The following NAV2 variants were observed in gnomAD, a reference collection of about 807,000 sequenced individuals.
NAV2 encodes neuron navigator 2.
NAV2 carries 54 observed loss-of-function variants against 223.2 expected under a neutral mutation model. The ratio of observed to expected loss-of-function variants is 0.24; its 90% CI spans 0.19 to 0.30. The LOEUF is 0.30. Among genes scored for constraint, NAV2 ranks in the 10% least tolerant of loss-of-function variants. NAV2 has a pLI of 1.00. For missense variants in NAV2, 2,806 were observed against 3,147.5 expected, an observed-to-expected ratio of 0.89 and a Z score of 2.60; for synonymous variants, 1,279 against 1,239.3, an observed-to-expected ratio of 1.03 and a Z score of -0.67.
chr11:19,703,581 G>A (rs1003146900), intron 1 of NAV2, among the ~76,000 whole-genome samples: 3 of 152,362 alleles, frequency 2.0e-5, no homozygotes, highest in Middle Eastern at 6.8e-3. Flanking sequence ...TTACCTGGCT[G>A]TGTTTGGGCT....
rs543678343 is a variant in NAV2 at position 19,901,847 on chromosome 11, A to G, written c.931+9253A>G. Among the ~76,000 whole-genome samples the G allele has an allele frequency of 8.5e-5, 13 of 152,092 alleles. No homozygotes were observed. In the East Asian group the frequency reaches 2.3e-3, roughly 27 times the overall value. On this transcript the variant is annotated intron_variant, in intron 6 of 37. Transcript: ENST00000349880. The stretch of plus-strand genomic sequence containing the variant: ...TCTTTCTTGCATTTTTCATTTTTAC[A>G]TTTTCATTGCTGTCTTGTTTCTGCT...
chr11:19,755,737 G>A (rs1214361445), intron 1 of NAV2, among the ~76,000 whole-genome samples: 1 of 152,148 alleles, frequency 6.6e-6, no homozygotes, highest in Non-Finnish European at 1.5e-5. Flanking sequence ...ACCAGTCTTT[G>A]GCTTTGCAAC....
At chr11:19,974,280 C>A (rs547942445) in intron 10 of NAV2, among the ~76,000 whole-genome samples, 1 of 152,244 alleles carries the variant, frequency 6.6e-6, no homozygotes, top group East Asian at 1.9e-4. Context: ...GTTAAAAATG[C>A]AGACTTGGGG....
intron 1 of NAV2, among the ~76,000 whole-genome samples, chr11:19,577,430 A>G (rs558132631): frequency 6.6e-6 from 1 of 152,346 alleles, no homozygotes; most frequent in African/African-American, 2.4e-5. Context: ...AAGATCTGCC[A>G]CGAGGGCGCA....
chr11:19,908,276 AG>A (rs1477569667), intron 6 of NAV2, among the ~76,000 whole-genome samples: 1 of 152,138 alleles, frequency 6.6e-6, no homozygotes, highest in Non-Finnish European at 1.5e-5. Flanking sequence ...TTTGAGGTCC[AG>A]GGTGGGTGTG....
intron 3 of NAV2, among the ~76,000 whole-genome samples, chr11:19,853,500 C>CT (rs146185951): frequency 0.1 from 15,612 of 152,024 alleles, 891 homozygotes; most frequent in Admixed American, 0.14. Flanking sequence ...ATCATGAGAT[C>CT]TTTTTTTTGT....
chr11:19,750,615 A>C (rs2053726320), intron 1 of NAV2, among the ~76,000 whole-genome samples: 1 of 152,166 alleles, frequency 6.6e-6, no homozygotes, highest in Admixed American at 6.5e-5. Flanking sequence ...CAAAGTAGGA[A>C]GTTATAGAAT....
chr11:19,457,993 T>G (rs1404487965), intron 1 of NAV2, among the ~76,000 whole-genome samples: 1 of 152,170 alleles, frequency 6.6e-6, no homozygotes, highest in East Asian at 1.9e-4. Context: ...CCAAGCCCAG[T>G]TGCCACTCCT....
chr11:19,551,633 T>C (rs949991083), intron 1 of NAV2, among the ~76,000 whole-genome samples: 1 of 152,218 alleles, frequency 6.6e-6, no homozygotes. Flanking sequence ...GAATAGTAGC[T>C]TAAGCAGATG....
chr11:19,825,532 C>T (rs936754852), intron 1 of NAV2, among the ~76,000 whole-genome samples: 1 of 152,090 alleles, frequency 6.6e-6, no homozygotes, highest in Non-Finnish European at 1.5e-5. Context: ...TGCCATCTGC[C>T]TCTGGATCCA....
At chr11:19,852,353 A>T (rs558359623) in intron 3 of NAV2, among the ~76,000 whole-genome samples, 1 of 152,326 alleles carries the variant, frequency 6.6e-6, no homozygotes. Flanking sequence ...AGGTGCCTCT[A>T]TTGTTAGAAC....
intron 10 of NAV2, among the ~76,000 whole-genome samples, chr11:19,965,916 G>C (rs2048733887): frequency 6.6e-6 from 1 of 152,352 alleles, no homozygotes; most frequent in East Asian, 1.9e-4. Context: ...AGTTATTCCA[G>C]AGTTTGTTCA....
At chr11:19,406,175 A>G (rs760630275) in intron 1 of NAV2, among the ~76,000 whole-genome samples, 24 of 152,180 alleles carry the variant, frequency 1.6e-4, no homozygotes, top group Non-Finnish European at 3.2e-4. Context: ...CTGGCGGGAA[A>G]CTTGTGCCAC....
At chr11:19,960,589 TTTTATTTATTTATTTA>T (rs5790101) in intron 10 of NAV2, among the ~76,000 whole-genome samples, 11 of 141,630 alleles carry the variant, frequency 7.8e-5, no homozygotes, top group Non-Finnish European at 1.5e-4. Flanking sequence ...TTTTTTAAAA[TTTTATTTATTTATTTA>T]TTTATTTATT....
chr11:20,048,830 A>G lies in NAV2; in HGVS notation c.4005A>G (p.Gln1335=). The G allele has an allele frequency of 6.2e-7, 1 of 1,614,150 alleles. No individual in the cohort carries two copies. The highest frequency in any genetic ancestry group is 1.1e-5 in the South Asian group (1 of 91,072). ...ISNPHATMTQ[Q]GNLDSPSGSG... is the part of the protein sequence containing the mutation. ...ATCCTCATGCCACCATGACTCAGCA[A>G]GGTAACCTAGACTCCCCGTCAGGCA... The change falls in exon 15 of 38, where the codon CAA becomes CAG. Residue 1335 remains glutamine, a synonymous_variant. Coordinates refer to ENST00000349880, the MANE Select transcript of NAV2 (RefSeq NM_145117.5).
In NAV2 at chr11:19,713,683, GC is replaced by G; in HGVS notation, c.-9del. 6.5e-7 allele frequency: 1 copy of G among 1,546,058 alleles called. No individual in the cohort carries two copies. The highest frequency in any genetic ancestry group is 1.2e-5 in the South Asian group (1 of 81,152). On this transcript the variant is annotated 5_prime_UTR_variant, in exon 1 of 38. Transcript: ENST00000349880. This position sits in a 1 kb window ranked among gnomAD's most constrained non-coding sequence, Gnocchi z 7.2. ...CCAGGGACGTGCTGGGAAAGCCCAA[GC>G]CCCGGGAGAAGATGCCGGCCATCCT...
chr11:20,084,603 G>C (rs1404891504), intron 26 of NAV2, among the ~76,000 whole-genome samples: 1 of 152,178 alleles, frequency 6.6e-6, no homozygotes, highest in African/African-American at 2.4e-5. Context: ...ACTGGACTTC[G>C]GTTTGGCCCT....
At chr11:19,956,182 A>G (rs1462671349) in intron 10 of NAV2, among the ~76,000 whole-genome samples, 1 of 152,106 alleles carries the variant, frequency 6.6e-6, no homozygotes, top group African/African-American at 2.4e-5. Flanking sequence ...AATGAATGGA[A>G]AGTCTCTCTT....
chr11:19,730,943 T>C (rs2051722172), intron 1 of NAV2, among the ~76,000 whole-genome samples: 1 of 152,246 alleles, frequency 6.6e-6, no homozygotes, highest in South Asian at 2.1e-4. Context: ...TATATTTAAA[T>C]ATGTAATAAA....
Sources: allele counts gnomAD v4.1 joint callset (sites outside exome capture counted in the v4.1 genomes callset), GRCh38; gene constraint gnomAD v4.1.1; non-coding constraint Gnocchi (gnomAD v3.1); transcripts MANE v1.5; gene names NCBI Gene and HGNC (gene_info 2026-07-23, HGNC 2026-07-21).